Variants in FHIT observed in about 807,000 individuals in gnomAD.
The protein encoded by FHIT is fragile histidine triad diadenosine triphosphatase, also known as bis(5'-adenosyl)-triphosphatase.
In FHIT, 19 loss-of-function variants were observed where a neutral mutation model predicts 17.9. The observed-to-expected ratio is 1.06, with a 90% CI of 0.74 to 1.56. The LOEUF is 1.56. FHIT is among the 40% of genes most tolerant of loss of function. The pLI is 0.00. For synonymous variants in FHIT, 81 were observed against 69.7 expected, an observed-to-expected ratio of 1.16 and a Z score of -0.81; for missense variants, 248 against 189.2, an observed-to-expected ratio of 1.31 and a Z score of -1.82.
At chr3:60,699,752 TAC>T (rs148373028) in intron 4 of FHIT, among the ~76,000 whole-genome samples, 13,447 of 143,940 alleles carry the variant, frequency 0.093, 1,177 homozygotes, top group African/African-American at 0.23. Flanking sequence ...TTAAGATAAA[TAC>T]ACACACACAC....
At chr3:59,996,455 G>A (rs564571165) in intron 7 of FHIT, among the ~76,000 whole-genome samples, 2 of 152,180 alleles carry the variant, frequency 1.3e-5, no homozygotes, top group Admixed American at 6.5e-5. Flanking sequence ...CAGGGGAATA[G>A]GAGGCCCCTG....
intron 3 of FHIT, among the ~76,000 whole-genome samples, chr3:60,845,261 G>A (rs1702885118): frequency 6.6e-6 from 1 of 151,342 alleles, no homozygotes; most frequent in African/African-American, 2.4e-5. Context: ...AATTTTTTTT[G>A]TGATGCAGAA....
chr3:60,463,144 G>A (rs1273213040), intron 5 of FHIT, among the ~76,000 whole-genome samples: 4 of 152,194 alleles, frequency 2.6e-5, no homozygotes, highest in African/African-American at 4.8e-5. Context: ...GTAGGTGGCA[G>A]AAGGCAACAG....
chr3:60,255,851 T>A (rs1171956798), intron 5 of FHIT, among the ~76,000 whole-genome samples: 1 of 151,664 alleles, frequency 6.6e-6, no homozygotes, highest in African/African-American at 2.4e-5. Flanking sequence ...CGAGACTCCA[T>A]CTCAAAAAAC....
chr3:60,431,719 G>C (rs1020088033), intron 5 of FHIT, among the ~76,000 whole-genome samples: 35 of 151,906 alleles, frequency 2.3e-4, no homozygotes, highest in African/African-American at 7.7e-4. Flanking sequence ...CCTGCAACTT[G>C]GCTTACAAAC....
At chr3:60,553,949 T>A (rs1462818627) in intron 4 of FHIT, among the ~76,000 whole-genome samples, 2 of 152,052 alleles carry the variant, frequency 1.3e-5, no homozygotes, top group South Asian at 2.1e-4. Flanking sequence ...TAGCTGGGCA[T>A]GGTGGTGGGC....
intron 5 of FHIT, among the ~76,000 whole-genome samples, chr3:60,196,974 C>A (rs901470324): frequency 6.6e-6 from 1 of 152,100 alleles, no homozygotes; most frequent in Non-Finnish European, 1.5e-5. Flanking sequence ...ATATAAACTC[C>A]ATCCAACATG....
chr3:60,306,912 C>G (rs928510201), intron 5 of FHIT, among the ~76,000 whole-genome samples: 4 of 152,028 alleles, frequency 2.6e-5, no homozygotes, highest in Admixed American at 2.0e-4. Context: ...GAGTGTTTTC[C>G]TTCATCTTAG....
chr3:60,024,226 T>C (rs568075488), intron 5 of FHIT, among the ~76,000 whole-genome samples: 61 of 152,190 alleles, frequency 4.0e-4, no homozygotes, highest in Non-Finnish European at 7.4e-4. Flanking sequence ...CTAATGTTAA[T>C]AGAAACATCC....
chr3:60,069,642 C>T (rs1702677117), intron 5 of FHIT, among the ~76,000 whole-genome samples: 1 of 152,154 alleles, frequency 6.6e-6, no homozygotes, highest in South Asian at 2.1e-4. Flanking sequence ...ATTTTGGGCA[C>T]TGTGGCTGAG....
chr3:60,281,993 G>A (rs1371027678), intron 5 of FHIT, among the ~76,000 whole-genome samples: 1 of 152,110 alleles, frequency 6.6e-6, no homozygotes, highest in Non-Finnish European at 1.5e-5. Context: ...AAATCCATAA[G>A]ACTGATAATA....
Position 60,187,616 on chromosome 3 carries a change from G to C in FHIT, c.104-173464C>G, listed in dbSNP as rs1702212315. On this transcript the variant is annotated intron_variant, in intron 5 of 9. Coordinates refer to ENST00000492590, the MANE Select transcript of FHIT (RefSeq NM_002012.4). ...CAGCCCTGCCTATTACATTCACCCTGCTCCTGCACAAAGCCAGAAAAACTG... is the reference window on the plus strand; with the variant it reads ...CAGCCCTGCCTATTACATTCACCCTCCTCCTGCACAAAGCCAGAAAAACTG... Among the ~76,000 whole-genome samples the C allele has an allele frequency of 2.0e-5, 3 of 152,138 alleles. No individual in the cohort carries two copies. In the South Asian group the frequency reaches 6.2e-4, roughly 32 times the overall value.
chr3:60,414,198 T>G (rs555849974), intron 5 of FHIT, among the ~76,000 whole-genome samples: 1 of 152,188 alleles, frequency 6.6e-6, no homozygotes, highest in East Asian at 1.9e-4. Context: ...CTTGTTAAAC[T>G]AGATTGCTGA....
rs537044063 is a variant in FHIT, at chr3:60,959,760, AAACCAGGTGAGCAAGATGGGAG to A, written c.-111+82265_-111+82286del. ...AAAGGGCAGTGTAGTTTGCGTGCAA[AAACCAGGTGAGCAAGATGGGAG>A]AATCAGGAGAGGCTTTTTCTTTTTT... is the stretch of plus-strand genomic sequence containing the variant. On this transcript the variant is annotated intron_variant, in intron 3 of 9. Coordinates refer to ENST00000492590, the MANE Select transcript of FHIT (RefSeq NM_002012.4). 8.9e-3 allele frequency among the ~76,000 whole-genome samples: 1,359 copies of A among 151,978 alleles called. 9 individuals carry two copies. The highest frequency in any genetic ancestry group is 0.016 in the Non-Finnish European group (1,097 of 67,956).
intron 5 of FHIT, among the ~76,000 whole-genome samples, chr3:60,155,908 T>C (rs1700667676): frequency 6.6e-6 from 1 of 152,168 alleles, no homozygotes; most frequent in African/African-American, 2.4e-5. Flanking sequence ...TGTTACTTAT[T>C]GCCAAGAGAC....
At chr3:61,183,622 A>T (rs897771905) in intron 2 of FHIT, among the ~76,000 whole-genome samples, 4 of 152,222 alleles carry the variant, frequency 2.6e-5, no homozygotes, top group African/African-American at 9.6e-5. Flanking sequence ...TATCTGCCCC[A>T]TGAATTGTGA....
At chr3:60,640,794 ATTACAT>A (rs1443240184) in intron 4 of FHIT, among the ~76,000 whole-genome samples, 1 of 152,216 alleles carries the variant, frequency 6.6e-6, no homozygotes, top group African/African-American at 2.4e-5. Context: ...TGCTACTGTG[ATTACAT>A]TTAAAGTCCT....
intron 3 of FHIT, among the ~76,000 whole-genome samples, chr3:61,014,776 C>G (rs867046533): frequency 2.4e-5 from 1 of 40,968 alleles, no homozygotes; most frequent in Non-Finnish European, 3.8e-5. Context: ...CGAGACTCTG[C>G]CTCAAAAAAA....
chr3:60,211,577 T>C (rs909613218), intron 5 of FHIT, among the ~76,000 whole-genome samples: 1 of 152,198 alleles, frequency 6.6e-6, no homozygotes, highest in African/African-American at 2.4e-5. Flanking sequence ...TTATTTAAGA[T>C]ACATAACAAT....
Sources: allele counts gnomAD v4.1 joint callset (sites outside exome capture counted in the v4.1 genomes callset), GRCh38; gene constraint gnomAD v4.1.1; transcripts MANE v1.5; gene names NCBI Gene and HGNC (gene_info 2026-07-23, HGNC 2026-07-21).